Variants in LRRC4B observed in about 807,000 individuals in gnomAD.
The protein encoded by LRRC4B is leucine rich repeat containing 4B.
A neutral mutation model predicts 7.3 loss-of-function variants in LRRC4B; 1 was observed. The observed-to-expected ratio is 0.14, with a 90% CI of 0.05 to 0.65. The LOEUF (loss-of-function observed/expected upper bound fraction) is 0.65, where lower values mean the gene tolerates loss of function less well. Among genes scored for constraint, LRRC4B ranks in the 30% least tolerant of loss-of-function variants. LRRC4B has a pLI of 0.84. For missense variants in LRRC4B, 730 were observed against 1,041.6 expected, an observed-to-expected ratio of 0.70 and a Z score of 4.12; for synonymous variants, 500 against 499.2, an observed-to-expected ratio of 1.00 and a Z score of -0.02.
At chr19:50,538,046 TTTTC>T (rs765570627) in intron 2 of LRRC4B, among the ~76,000 whole-genome samples, 5 of 152,102 alleles carry the variant, frequency 3.3e-5, no homozygotes, top group Admixed American at 6.5e-5. Flanking sequence ...CCTTCCGCCA[TTTTC>T]TTTCTTTCTT....
rs113707095 is a variant in LRRC4B at position 50,517,934 on chromosome 19, G to C, written c.1779C>G (p.Leu593=). 6.4e-7 allele frequency: 1 copy of C among 1,565,780 alleles called. No individual in the cohort carries two copies. Among genetic ancestry groups the C allele is most frequent in the South Asian group, 1.2e-5 (1 of 83,368 alleles). The stretch of plus-strand genomic sequence containing the variant: ...GCTTGCGCAGCTTGTAGAAGGCCAC[G>C]AGCATCACCGCGGCCATGAACGTGA... ...VAITFMAAVM[L]VAFYKLRKQH... The change falls in exon 3 of 3, where the codon CTC becomes CTG. Residue 593 remains leucine (L), a synonymous_variant. Coordinates refer to ENST00000652263, the MANE Select transcript of LRRC4B (RefSeq NM_001080457.2). The surrounding 1 kb of genome is among the most constrained non-coding windows in gnomAD (Gnocchi z 6.6).
At position 50,548,889 on chromosome 19, in the gene LRRC4B, A is replaced by C; in HGVS notation, c.-35-16T>G. ...CGCTGGGGGGCTGTGGGTGGGGGAG[A>C]GAAGGGGGAGAGGCTTGGTGAGGGA... On this transcript the variant is annotated splice_polypyrimidine_tract_variant and intron_variant, in intron 1 of 2. Transcript: ENST00000652263. The surrounding 1 kb of genome is among the most constrained non-coding windows in gnomAD (Gnocchi z 6.8). 6 of 1,112,836 alleles carry C rather than the reference A, an allele frequency of 5.4e-6. No homozygotes were observed. The highest frequency in any genetic ancestry group is 1.6e-5 in the African/African-American group (1 of 62,326). 68.9% of individuals were successfully genotyped at this position (1,112,836 alleles called of 1,614,324 possible).
chr19:50,535,418 T>C (rs1981238782), intron 2 of LRRC4B, among the ~76,000 whole-genome samples: 1 of 151,862 alleles, frequency 6.6e-6, no homozygotes, highest in Non-Finnish European at 1.5e-5. Flanking sequence ...GTGATCTGCC[T>C]GCCTCTGCCT....
At chr19:50,538,559 GTTTTTTTTTTTTT>G (rs71886675) in intron 2 of LRRC4B, among the ~76,000 whole-genome samples, 81 of 90,362 alleles carry the variant, frequency 9.0e-4, no homozygotes, top group South Asian at 4.1e-3. Context: ...GTTTTGTCTT[GTTTTTTTTTTTTT>G]TTTTTTTTTT....
Position 50,519,084 on chromosome 19 carries a change from C to A in LRRC4B, c.629G>T (p.Arg210Leu). Residue 210 changes from arginine to leucine, a missense_variant, in exon 3 of 3, where the codon CGC becomes CTC. Transcript: ENST00000652263. The surrounding 1 kb of genome is among the most constrained non-coding windows in gnomAD (Gnocchi z 8.1). ...EAAFEGLVNLRYLNLGMCNLK... is the reference protein window; with the variant it reads ...EAAFEGLVNLLYLNLGMCNLK... ...GTTGCACATGCCCAGGTTGAGGTAG[C>A]GCAGGTTGACCAGCCCCTCGAAGGC... 1 of 1,609,010 alleles carries A rather than the reference C, an allele frequency of 6.2e-7. No individual in the cohort carries two copies. Among genetic ancestry groups the A allele is most frequent in the Non-Finnish European group, 8.5e-7 (1 of 1,179,900 alleles).
chr19:50,522,573 T>C (rs534494928), intron 2 of LRRC4B, among the ~76,000 whole-genome samples: 1 of 152,176 alleles, frequency 6.6e-6, no homozygotes, highest in South Asian at 2.1e-4. Flanking sequence ...GCCTGCCGGG[T>C]TCAAGTGATT....
At chr19:50,531,031 A>C (rs943020828) in intron 2 of LRRC4B, among the ~76,000 whole-genome samples, 3 of 151,692 alleles carry the variant, frequency 2.0e-5, no homozygotes, top group African/African-American at 7.3e-5. Context: ...TACAGGCGTG[A>C]GCCACCGTGC....
chr19:50,529,136 G>A (rs1477366097), intron 2 of LRRC4B, among the ~76,000 whole-genome samples: 1 of 152,102 alleles, frequency 6.6e-6, no homozygotes, highest in Non-Finnish European at 1.5e-5. Context: ...GCTTCTCAGA[G>A]CCGGTTCTCA....
intron 2 of LRRC4B, among the ~76,000 whole-genome samples, chr19:50,542,299 G>A (rs926503309): frequency 1.3e-5 from 2 of 152,056 alleles, no homozygotes; most frequent in African/African-American, 4.8e-5. Flanking sequence ...AGGAGATGGA[G>A]GCGAAGATCT....
intron 1 of LRRC4B, among the ~76,000 whole-genome samples, chr19:50,560,557 T>G (rs1286880172): frequency 6.6e-6 from 1 of 152,246 alleles, no homozygotes; most frequent in East Asian, 1.9e-4. Context: ...AAGATCCTCC[T>G]TCTCCTCGTC....
intron 1 of LRRC4B, among the ~76,000 whole-genome samples, chr19:50,551,775 C>T (rs908317552): frequency 4.0e-5 from 6 of 151,604 alleles, no homozygotes; most frequent in East Asian, 1.9e-4. Context: ...CCTTTCTCCC[C>T]GGCTCTGTCT....
Position 50,563,613 on chromosome 19 carries a change from T to C in LRRC4B, c.-36+4331A>G, listed in dbSNP as rs1982538148. On this transcript the variant is annotated intron_variant, in intron 1 of 2. Coordinates refer to ENST00000652263, the MANE Select transcript of LRRC4B (RefSeq NM_001080457.2). This position sits in a 1 kb window ranked among gnomAD's most constrained non-coding sequence, Gnocchi z 4.9. ...GCTCTCCACCTGCTCTGGGGCCAAA[T>C]GTGCAGCCTGGTGTACAGAGAAGCC... is the stretch of plus-strand genomic sequence containing the variant. Among the ~76,000 whole-genome samples, 1 of 152,132 alleles carries C rather than the reference T, an allele frequency of 6.6e-6. No homozygotes were observed. Among genetic ancestry groups the C allele is most frequent in the African/African-American group, 2.4e-5 (1 of 41,438 alleles).
At chr19:50,554,362 C>T (rs1180133386) in intron 1 of LRRC4B, among the ~76,000 whole-genome samples, 2 of 152,006 alleles carry the variant, frequency 1.3e-5, no homozygotes, top group Admixed American at 6.6e-5. Context: ...CCTGGGTCAC[C>T]CTCCGTGCCC....
In LRRC4B at chr19:50,520,245, A is replaced by G. The variant is rs1327416910; in HGVS notation, c.298-830T>C. ...AAAAAAAAAAAAAAAAAAAAAAAAA[A>G]AAGAAGAAAAGAAAAGAAAAATGAA... is the stretch of plus-strand genomic sequence containing the variant. On this transcript the variant is annotated intron_variant, in intron 2 of 2. Transcript: ENST00000652263. Among the ~76,000 whole-genome samples, 38 of 42,372 alleles carry G rather than the reference A, an allele frequency of 9.0e-4. 3 individuals carry two copies. Among genetic ancestry groups the G allele is most frequent in the East Asian group, 5.3e-3 (7 of 1,314 alleles). The allele number at this position is 42,372 out of a possible 152,430, so 27.8% of individuals were successfully genotyped here.
intron 1 of LRRC4B, among the ~76,000 whole-genome samples, chr19:50,566,191 C>T (rs1194469680): frequency 9.3e-6 from 1 of 107,646 alleles, no homozygotes; most frequent in African/African-American, 3.9e-5. Flanking sequence ...GGCCGCGGTC[C>T]GGGGGTGGGG....
intron 2 of LRRC4B, among the ~76,000 whole-genome samples, chr19:50,527,094 A>G (rs1298154254): frequency 2.7e-5 from 4 of 149,406 alleles, no homozygotes; most frequent in Non-Finnish European, 5.9e-5. Flanking sequence ...GTGCAGTGGC[A>G]CAATCCCGGC....
chr19:50,517,766 G>A lies in LRRC4B; in HGVS notation c.1947C>T (p.His649=). 2 of 1,521,746 alleles carry A rather than the reference G, an allele frequency of 1.3e-6. No homozygotes were observed. Among genetic ancestry groups the A allele is most frequent in the East Asian group, 2.4e-5 (1 of 42,318 alleles). 94.3% of individuals were successfully genotyped at this position (1,521,746 alleles called of 1,614,324 possible). A position where few individuals can be genotyped will look rare whatever the true frequency, so the allele number is the denominator to read the frequency against. ...ASGGGVGGDS[H]LALPALERDH... Reference sequence around the variant, plus strand: ...CTCGCTCCAGGGCGGGCAGGGCCAGGTGGCTGTCCCCGCCCACACCACCCC... The same window carrying A: ...CTCGCTCCAGGGCGGGCAGGGCCAGATGGCTGTCCCCGCCCACACCACCCC... The change falls in exon 3 of 3, where the codon CAC becomes CAT. Residue 649 remains histidine, a synonymous_variant. Coordinates refer to ENST00000652263, the MANE Select transcript of LRRC4B (RefSeq NM_001080457.2). The surrounding 1 kb of genome is among the most constrained non-coding windows in gnomAD (Gnocchi z 6.6).
chr19:50,564,885 C>CG (rs1268608968), intron 1 of LRRC4B, among the ~76,000 whole-genome samples: 1 of 151,470 alleles, frequency 6.6e-6, no homozygotes, highest in African/African-American at 2.4e-5. Flanking sequence ...ACCCCCGCCC[C>CG]CAATCCCCAA....
In LRRC4B at chr19:50,518,347, C is replaced by T. The variant is rs1281172299; in HGVS notation, c.1366G>A (p.Val456Met). Reference sequence around the variant, plus strand: ...GTGCCCCCGGCCGCCACGGGGTCCACGGCCGAGACGTTGAGCGTGGCCGAG... The same window carrying T: ...GTGCCCCCGGCCGCCACGGGGTCCATGGCCGAGACGTTGAGCGTGGCCGAG... ...TASATLNVSA[V>M]DPVAAGGTGS... is the part of the protein sequence containing the mutation. Residue 456 changes from valine (V) to methionine (M), a missense_variant, in exon 3 of 3, where the codon GTG (valine) becomes ATG (methionine). By Grantham distance (21) the Val-to-Met change is conservative. Around this residue, in one of 6 missense-constraint regions of LRRC4B, gnomAD observed 192 missense variants for 228.6 expected, o/e 0.84. Transcript: ENST00000652263. 1.9e-6 allele frequency: 3 copies of T among 1,605,278 alleles called. No individual in the cohort carries two copies. Among genetic ancestry groups the T allele is most frequent in the Non-Finnish European group, 2.5e-6 (3 of 1,176,976 alleles).
Sources: gnomAD v4.1 joint callset for allele counts (sites outside exome capture counted in the v4.1 genomes callset) on GRCh38, gnomAD v4.1.1 for gene constraint, gnomAD v4.1.1 regional missense constraint, Gnocchi (gnomAD v3.1) non-coding constraint, MANE v1.5 for transcripts, NCBI Gene and HGNC (gene_info 2026-07-23, HGNC 2026-07-21) for gene names.